EPS15L1: variants seen among roughly 807,000 people sequenced by gnomAD.
EPS15L1 encodes epidermal growth factor receptor pathway substrate 15 like 1, also known as epidermal growth factor receptor substrate 15-like 1.
Under a neutral mutation model 117.1 loss-of-function variants are expected in EPS15L1, and 43 were observed. The observed-to-expected ratio is 0.37, with a 90% confidence interval of 0.29 to 0.47. EPS15L1 has a LOEUF of 0.47. Among genes scored for constraint, EPS15L1 ranks in the 20% least tolerant of loss-of-function variants. EPS15L1 has a pLI of 0.99. For synonymous variants in EPS15L1, 459 were observed against 470.5 expected (o/e 0.98, Z 0.32); for missense variants, 981 against 1,164.0 (o/e 0.84, Z 2.29).
At chr19:16,414,495 A>G (rs568681418) in intron 12 of EPS15L1, among the ~76,000 whole-genome samples, 33 of 150,046 alleles carry the variant, frequency 2.2e-4, no homozygotes, top group African/African-American at 7.6e-4. Context: ...CCGCCTCCCC[A>G]GTTCAAGCGA....
At chr19:16,460,812 A>G (rs1245699625) in intron 1 of EPS15L1, among the ~76,000 whole-genome samples, 1 of 152,208 alleles carries the variant, frequency 6.6e-6, no homozygotes, top group Non-Finnish European at 1.5e-5. Flanking sequence ...AAACAGTGCC[A>G]TTTGTAGGGT....
intron 23 of EPS15L1, 135 bp downstream of exon 23, chr19:16,361,644 C>T: frequency 2.1e-6 from 3 of 1,397,470 alleles, no homozygotes; most frequent in Non-Finnish European, 2.8e-6. Flanking sequence ...GAATAAATAA[C>T]GCGAGGGACA....
chr19:16,398,778 G>A (rs1176372151), intron 16 of EPS15L1, among the ~76,000 whole-genome samples: 6 of 152,152 alleles, frequency 3.9e-5, no homozygotes, highest in Admixed American at 3.9e-4. Context: ...ACCAGGGCAG[G>A]TTTACCTCTC....
At chr19:16,367,565 T>C (rs968013733) in intron 22 of EPS15L1, among the ~76,000 whole-genome samples, 1 of 141,900 alleles carries the variant, frequency 7.0e-6, no homozygotes, top group African/African-American at 2.6e-5. Context: ...ATTTCTTTAA[T>C]TCTCCTATTT....
At chr19:16,422,829 G>A (rs1422215807) in intron 9 of EPS15L1, among the ~76,000 whole-genome samples, 2 of 152,096 alleles carry the variant, frequency 1.3e-5, no homozygotes, top group Admixed American at 1.3e-4. Flanking sequence ...GTGGTGGTAG[G>A]CACCTGTGAT....
At chr19:16,361,555 C>T (rs780386817) in intron 23 of EPS15L1, 21 of 1,269,750 alleles carry the variant, frequency 1.7e-5, no homozygotes, top group Middle Eastern at 3.0e-4. Flanking sequence ...AGAAAACGTG[C>T]CCTTATGATA....
At position 16,355,705 on chromosome 19, in the gene EPS15L1, C is replaced by T; in HGVS notation, c.2733G>A (p.Ter911=). Residue 911 remains the stop codon, a stop_retained_variant, in exon 24 of 24, where the codon TAG becomes TAA. Coordinates refer to ENST00000455140, the MANE Select transcript of EPS15L1 (RefSeq NM_001258374.3). ...TGTCCCGCCTACACACGGCCCTCGCCTAGGCGGCAGGCATGTCAGCCTTGC... is the reference window on the plus strand; with the variant it reads ...TGTCCCGCCTACACACGGCCCTCGCTTAGGCGGCAGGCATGTCAGCCTTGC... ...ALSKADMPAA[*] 1 of 1,535,572 alleles carries T rather than the reference C, an allele frequency of 6.5e-7. No homozygotes were observed. The highest frequency in any genetic ancestry group is 8.7e-7 in the Non-Finnish European group (1 of 1,146,524).
intron 1 of EPS15L1, among the ~76,000 whole-genome samples, chr19:16,453,886 TA>T (rs11289907): frequency 0.28 from 38,190 of 136,422 alleles, 4,960 homozygotes; most frequent in African/African-American, 0.35. Context: ...AGAATTCCTA[TA>T]AAAAAAAAAA....
At chr19:16,442,003 CA>C (rs2093037017) in intron 2 of EPS15L1, 22 bp from the exon 3 acceptor site, 3 of 1,599,778 alleles carry the variant, frequency 1.9e-6, no homozygotes, top group Non-Finnish European at 2.6e-6. Flanking sequence ...GACCAAGAGG[CA>C]AAATAACTTT....
At chr19:16,415,148 G>A (rs1401451003) in intron 12 of EPS15L1, among the ~76,000 whole-genome samples, 2 of 152,206 alleles carry the variant, frequency 1.3e-5, no homozygotes, top group Non-Finnish European at 2.9e-5. Context: ...GCCCTTATAA[G>A]AAGGACCCCA....
intron 1 of EPS15L1, among the ~76,000 whole-genome samples, chr19:16,468,739 G>A (rs1336878300): frequency 6.6e-6 from 1 of 152,178 alleles, no homozygotes; most frequent in East Asian, 1.9e-4. Flanking sequence ...CTAGCCAGAT[G>A]CAGTGGCTGA....
rs1436471006 is a variant in EPS15L1 at position 16,361,665 on chromosome 19, G to A, written c.2586+114C>T. ...ATAACGCGAGGGACAGAGAGTGTGA[G>A]GTACCAAGAGGCTAAAGAAGCTGGG... is the stretch of plus-strand genomic sequence containing the variant. On this transcript the variant is annotated intron_variant, in intron 23 of 23. Transcript: ENST00000455140. The A allele has an allele frequency of 6.2e-6, 9 of 1,450,264 alleles. No homozygotes were observed. In the African/African-American group the frequency reaches 8.6e-5, roughly 14 times the overall value. The allele number at this position is 1,450,264 out of a possible 1,614,324, so 89.8% of individuals were successfully genotyped here. A position where few individuals can be genotyped will look rare whatever the true frequency, so the allele number is the denominator to read the frequency against.
chr19:16,437,988 C>CA (rs2092994245), intron 4 of EPS15L1, 123 bp from the exon 5 acceptor site: 2 of 706,970 alleles, frequency 2.8e-6, no homozygotes, highest in East Asian at 2.7e-5. Context: ...GCCGTCCGTG[C>CA]AAAAACCCCT....
At chr19:16,438,362 T>TAAATA (rs1236228333) in intron 4 of EPS15L1, among the ~76,000 whole-genome samples, 4 of 151,872 alleles carry the variant, frequency 2.6e-5, no homozygotes, top group African/African-American at 4.8e-5. Flanking sequence ...TCAAAATAAA[T>TAAATA]AAATAAAATA....
At chr19:16,413,009 G>A (rs1020395446) in intron 13 of EPS15L1, 4 of 719,196 alleles carry the variant, frequency 5.6e-6, no homozygotes, top group Non-Finnish European at 9.8e-6. Flanking sequence ...TCAAGGATGA[G>A]GTTTTGAAGA....
At chr19:16,438,233 A>C (rs58052449) in intron 4 of EPS15L1, among the ~76,000 whole-genome samples, 5,018 of 152,196 alleles carry the variant, frequency 0.033, 298 homozygotes, top group African/African-American at 0.12. Context: ...GGTGCCTGAA[A>C]TCCCAGCTAC....
intron 1 of EPS15L1, among the ~76,000 whole-genome samples, chr19:16,446,391 T>C (rs2093084025): frequency 6.6e-6 from 1 of 152,214 alleles, no homozygotes; most frequent in Non-Finnish European, 1.5e-5. Flanking sequence ...GTACGCGCTC[T>C]TGTGCAAAAC....
At chr19:16,461,751 G>C (rs947044963) in intron 1 of EPS15L1, among the ~76,000 whole-genome samples, 1 of 152,242 alleles carries the variant, frequency 6.6e-6, no homozygotes, top group African/African-American at 2.4e-5. Context: ...GCGGAGGTGA[G>C]GAGGTAGCAG....
At chr19:16,391,222 T>C (rs972768910) in intron 19 of EPS15L1, among the ~76,000 whole-genome samples, 10 of 150,734 alleles carry the variant, frequency 6.6e-5, no homozygotes, top group African/African-American at 2.0e-4. Flanking sequence ...TGGAAAAAAA[T>C]AGAAATAGAA....
Sources: allele counts gnomAD v4.1 joint callset (sites outside exome capture counted in the v4.1 genomes callset), GRCh38; gene constraint gnomAD v4.1.1; transcripts MANE v1.5; gene names NCBI Gene and HGNC (gene_info 2026-07-23, HGNC 2026-07-21).